ATRNL1: variants seen among roughly 807,000 people sequenced by gnomAD.
ATRNL1 encodes the protein attractin-like protein 1.
Under a neutral mutation model 182.7 loss-of-function variants are expected in ATRNL1, and 95 were observed. That is an observed-to-expected ratio of 0.52 (90% confidence interval 0.44 to 0.62). ATRNL1 has a LOEUF of 0.62. ATRNL1 is among the 20% of genes least tolerant of loss of function. ATRNL1 has a pLI of 0.00. For synonymous variants in ATRNL1, 576 were observed against 568.3 expected, an observed-to-expected ratio of 1.01 and a Z score of -0.19; for missense variants, 1,471 against 1,679.5, an observed-to-expected ratio of 0.88 and a Z score of 2.17.
chr10:115,203,511 C>A (rs1458547136), intron 8 of ATRNL1, among the ~76,000 whole-genome samples: 1 of 150,556 alleles, frequency 6.6e-6, no homozygotes, highest in Non-Finnish European at 1.5e-5. Flanking sequence ...ATGTACTCTT[C>A]TTGAGCGTTT....
At chr10:115,098,371 C>T (rs1448654706) in intron 1 of ATRNL1, among the ~76,000 whole-genome samples, 2 of 150,632 alleles carry the variant, frequency 1.3e-5, no homozygotes, top group Non-Finnish European at 2.9e-5. Context: ...ATTTTATACA[C>T]GTAACTGTGA....
At chr10:115,826,213 A>G (rs1346243514) in intron 27 of ATRNL1, among the ~76,000 whole-genome samples, 1 of 151,482 alleles carries the variant, frequency 6.6e-6, no homozygotes, top group Non-Finnish European at 1.5e-5. Context: ...TTTTTTTTTC[A>G]AATCTGTTTC....
At chr10:115,928,007 C>A (rs918140138) in intron 28 of ATRNL1, among the ~76,000 whole-genome samples, 3 of 151,948 alleles carry the variant, frequency 2.0e-5, no homozygotes, top group Non-Finnish European at 2.9e-5. Context: ...CAGAATTTGG[C>A]TCTATGGACT....
chr10:115,718,962 T>G (rs1555057022), intron 26 of ATRNL1, among the ~76,000 whole-genome samples: 2 of 152,150 alleles, frequency 1.3e-5, no homozygotes, highest in African/African-American at 4.8e-5. Context: ...CATCAGTTAC[T>G]AGAAAAAGGG....
chr10:115,455,188 C>T (rs185990997), intron 21 of ATRNL1, among the ~76,000 whole-genome samples: 62 of 152,070 alleles, frequency 4.1e-4, no homozygotes, highest in Non-Finnish European at 1.2e-4. Context: ...TAGTGTATCA[C>T]ATTTATTGAT....
intron 1 of ATRNL1, among the ~76,000 whole-genome samples, chr10:115,097,722 G>A (rs2085051273): frequency 6.6e-6 from 1 of 152,034 alleles, no homozygotes; most frequent in Non-Finnish European, 1.5e-5. Flanking sequence ...TCAGGAGATC[G>A]AGACCATCCT....
At chr10:115,729,614 A>T (rs144329166) in intron 27 of ATRNL1, among the ~76,000 whole-genome samples, 1 of 151,420 alleles carries the variant, frequency 6.6e-6, no homozygotes, top group Non-Finnish European at 1.5e-5. Context: ...TAAACAGAAT[A>T]TTGCATATTC....
chr10:115,603,755 T>A (rs1856737234), intron 26 of ATRNL1, among the ~76,000 whole-genome samples: 1 of 152,220 alleles, frequency 6.6e-6, no homozygotes, highest in African/African-American at 2.4e-5. Flanking sequence ...TGCTCTCCAT[T>A]GCTTTGTCTA....
intron 19 of ATRNL1, among the ~76,000 whole-genome samples, chr10:115,373,174 G>T (rs1857485473): frequency 6.6e-6 from 1 of 151,964 alleles, no homozygotes. Flanking sequence ...ATAGTTCACT[G>T]TTAGTGTATA....
chr10:115,304,265 T>C (rs1313885556), intron 17 of ATRNL1, among the ~76,000 whole-genome samples: 11 of 152,162 alleles, frequency 7.2e-5, no homozygotes, highest in African/African-American at 2.7e-4. Flanking sequence ...CTGATGAAAA[T>C]ACAAACAACT....
At chr10:115,942,530 C>T (rs975583650) in intron 28 of ATRNL1, among the ~76,000 whole-genome samples, 2 of 152,232 alleles carry the variant, frequency 1.3e-5, no homozygotes, top group African/African-American at 4.8e-5. Context: ...ACAGTGCTCA[C>T]ATCCCTTTAC....
chr10:115,211,062 T>A (rs80123728), intron 8 of ATRNL1, among the ~76,000 whole-genome samples: 4 of 147,718 alleles, frequency 2.7e-5, no homozygotes, highest in South Asian at 2.2e-4. Flanking sequence ...TTTTTTTTTT[T>A]AATTATACTT....
intron 20 of ATRNL1, among the ~76,000 whole-genome samples, chr10:115,414,864 T>C (rs1344859880): frequency 2.0e-5 from 3 of 152,022 alleles, no homozygotes; most frequent in African/African-American, 7.2e-5. Flanking sequence ...CTCATAAAAA[T>C]GTTCATTTTT....
chr10:115,490,108 G>C (rs557292838), intron 24 of ATRNL1, among the ~76,000 whole-genome samples: 2 of 152,180 alleles, frequency 1.3e-5, no homozygotes, highest in East Asian at 3.9e-4. Flanking sequence ...TAGTCTGATG[G>C]GCTTCCCTTT....
intron 8 of ATRNL1, among the ~76,000 whole-genome samples, chr10:115,192,123 T>G (rs112868680): frequency 0.022 from 3,383 of 152,204 alleles, 46 homozygotes; most frequent in South Asian, 0.034. Context: ...TGCCCATTTT[T>G]TGCTTTGGTT....
chr10:115,267,025 C>A lies in ATRNL1; in HGVS notation c.1981+20C>A, dbSNP rs200282321. The A allele has an allele frequency of 2.6e-6, 4 of 1,549,628 alleles. No homozygotes were observed. Among genetic ancestry groups the A allele is most frequent in the South Asian group, 2.3e-5 (2 of 86,360 alleles). On this transcript the variant is annotated intron_variant, in intron 12 of 28. Transcript: ENST00000355044. ...AAACAGGTAAATTTCTTTTTCTTTT[C>A]GTCTTTGTGGCAGCAAAATTTCTCT... is the stretch of plus-strand genomic sequence containing the variant.
intron 27 of ATRNL1, among the ~76,000 whole-genome samples, chr10:115,832,613 G>A (rs893287859): frequency 2.0e-5 from 3 of 152,262 alleles, no homozygotes; most frequent in African/African-American, 7.2e-5. Flanking sequence ...TTAGGCATTG[G>A]AATTATGATA....
chr10:115,109,135 A>G (rs1326167784), intron 1 of ATRNL1, among the ~76,000 whole-genome samples: 1 of 150,924 alleles, frequency 6.6e-6, no homozygotes, highest in Admixed American at 6.6e-5. Flanking sequence ...TGTTCTTTTC[A>G]TACCAATACA....
At chr10:115,874,573 C>G (rs1951658576) in intron 28 of ATRNL1, among the ~76,000 whole-genome samples, 1 of 152,192 alleles carries the variant, frequency 6.6e-6, no homozygotes, top group Non-Finnish European at 1.5e-5. Flanking sequence ...AAACTACAAT[C>G]TCTTCAGGCA....
Sources: allele counts gnomAD v4.1 joint callset (sites outside exome capture counted in the v4.1 genomes callset), GRCh38; gene constraint gnomAD v4.1.1; transcripts MANE v1.5; gene names NCBI Gene and HGNC (gene_info 2026-07-23, HGNC 2026-07-21).